The following LRRTM4 variants were observed in gnomAD, a reference collection of about 807,000 sequenced individuals.
LRRTM4 encodes the protein leucine-rich repeat transmembrane neuronal protein 4.
LRRTM4 carries 25 observed loss-of-function variants against 47.6 expected under a neutral mutation model. The observed-to-expected ratio is 0.53, with a 90% CI of 0.38 to 0.73. The LOEUF (loss-of-function observed/expected upper bound fraction) is 0.73, where lower values mean the gene tolerates loss of function less well. LRRTM4 is among the 30% of genes least tolerant of loss of function. The pLI, the probability that LRRTM4 is intolerant of heterozygous loss-of-function variation, is 0.00. For missense variants in LRRTM4, 638 were observed against 713.4 expected, an observed-to-expected ratio of 0.89 and a Z score of 1.20; for synonymous variants, 311 against 269.5, an observed-to-expected ratio of 1.15 and a Z score of -1.51.
At chr2:77,499,469 C>A (rs1443365574) in intron 3 of LRRTM4, among the ~76,000 whole-genome samples, 3 of 151,738 alleles carry the variant, frequency 2.0e-5, no homozygotes, top group African/African-American at 7.3e-5. Context: ...CTCTGAGATG[C>A]AAAGATATTA....
intron 3 of LRRTM4, among the ~76,000 whole-genome samples, chr2:76,846,315 G>T (rs891143428): frequency 6.6e-6 from 1 of 152,238 alleles, no homozygotes; most frequent in South Asian, 2.1e-4. Flanking sequence ...AGGTGCCCCA[G>T]GTGTCCTCAC....
At chr2:77,256,857 G>T (rs527843058) in intron 3 of LRRTM4, among the ~76,000 whole-genome samples, 1 of 152,078 alleles carries the variant, frequency 6.6e-6, no homozygotes, top group Non-Finnish European at 1.5e-5. Context: ...GAGGAAGGGA[G>T]GGAGGGAGGG....
intron 3 of LRRTM4, among the ~76,000 whole-genome samples, chr2:76,770,818 T>C (rs1444953103): frequency 6.6e-6 from 1 of 152,210 alleles, no homozygotes; most frequent in Non-Finnish European, 1.5e-5. Context: ...TTTTCATGCA[T>C]TTAAATTTCT....
chr2:77,080,447 G>C (rs1052864285), intron 3 of LRRTM4, among the ~76,000 whole-genome samples: 6 of 152,042 alleles, frequency 3.9e-5, no homozygotes, highest in African/African-American at 1.4e-4. Flanking sequence ...TGTTATTCTG[G>C]AATGCAGAAG....
At chr2:77,038,832 C>T (rs991244672) in intron 3 of LRRTM4, among the ~76,000 whole-genome samples, 5 of 151,386 alleles carry the variant, frequency 3.3e-5, no homozygotes, top group Non-Finnish European at 7.4e-5. Flanking sequence ...ATCTAACCAT[C>T]TAATGTTGCA....
chr2:76,769,749 G>A (rs1457665995), intron 3 of LRRTM4, among the ~76,000 whole-genome samples: 2 of 152,052 alleles, frequency 1.3e-5, no homozygotes, highest in African/African-American at 4.8e-5. Context: ...AGTTTGTGAA[G>A]CACTGCTTTA....
intron 3 of LRRTM4, among the ~76,000 whole-genome samples, chr2:77,455,863 T>G (rs1346473205): frequency 6.6e-6 from 1 of 152,120 alleles, no homozygotes; most frequent in Non-Finnish European, 1.5e-5. Flanking sequence ...TCTCCCGATA[T>G]CACTCTCCAC....
At chr2:77,242,987 G>A (rs772511020) in intron 3 of LRRTM4, among the ~76,000 whole-genome samples, 5 of 152,148 alleles carry the variant, frequency 3.3e-5, no homozygotes, top group Non-Finnish European at 5.9e-5. Flanking sequence ...TCTATTGATA[G>A]ATGAATGGAT....
At chr2:77,141,575 C>G (rs566491558) in intron 3 of LRRTM4, among the ~76,000 whole-genome samples, 144 of 152,224 alleles carry the variant, frequency 9.5e-4, no homozygotes, top group South Asian at 4.1e-4. Flanking sequence ...ACATATGTAA[C>G]AAACCTGCAC....
intron 3 of LRRTM4, among the ~76,000 whole-genome samples, chr2:76,789,383 C>G (rs1674848852): frequency 6.6e-6 from 1 of 152,212 alleles, no homozygotes; most frequent in African/African-American, 2.4e-5. Context: ...CCCACCTCTG[C>G]TCTAGTGACC....
intron 3 of LRRTM4, among the ~76,000 whole-genome samples, chr2:76,779,341 G>A (rs557315429): frequency 4.0e-5 from 6 of 150,970 alleles, no homozygotes; most frequent in Non-Finnish European, 7.4e-5. Context: ...TCATTGATCT[G>A]TCTAATGTTG....
intron 3 of LRRTM4, among the ~76,000 whole-genome samples, chr2:76,902,186 C>T (rs1047286131): frequency 1.3e-5 from 2 of 152,146 alleles, no homozygotes; most frequent in Non-Finnish European, 2.9e-5. Context: ...AGTCCATCTC[C>T]AAGTCTTTGT....
chr2:77,518,921 A>G lies in LRRTM4; in HGVS notation c.948T>C (p.Ser316=), dbSNP rs1282999382. ...AATAAAATAAAGGACAAATGCTCCG[A>G]CTGCATTCCCACATATTTCCAGACA... ...ITLSGNMWEC[S]RSICPLFYWL... The change falls in exon 3 of 4, where the codon AGT becomes AGC. Residue 316 remains serine (S), a synonymous_variant. Transcript: ENST00000409884. 1.9e-6 allele frequency: 3 copies of G among 1,609,436 alleles called. No individual in the cohort carries two copies. Among genetic ancestry groups the G allele is most frequent in the Non-Finnish European group, 2.5e-6 (3 of 1,177,622 alleles).
chr2:77,175,022 A>C (rs1673153505), intron 3 of LRRTM4, among the ~76,000 whole-genome samples: 1 of 151,836 alleles, frequency 6.6e-6, no homozygotes, highest in Non-Finnish European at 1.5e-5. Context: ...GCCAAGCACA[A>C]AGTTAGTTTC....
intron 3 of LRRTM4, among the ~76,000 whole-genome samples, chr2:76,962,222 T>C (rs942295973): frequency 4.6e-5 from 7 of 151,144 alleles, no homozygotes; most frequent in South Asian, 2.1e-4. Flanking sequence ...GAAAGATAAA[T>C]AAAAATTTCT....
At chr2:76,787,418 T>C (rs1238902552) in intron 3 of LRRTM4, among the ~76,000 whole-genome samples, 1 of 152,136 alleles carries the variant, frequency 6.6e-6, no homozygotes, top group African/African-American at 2.4e-5. Flanking sequence ...TCTGATACTT[T>C]ATACATTTCC....
chr2:77,029,054 TATATATATATATATATA>T (rs1195874070), intron 3 of LRRTM4, among the ~76,000 whole-genome samples: 19 of 99,358 alleles, frequency 1.9e-4, no homozygotes, highest in African/African-American at 5.0e-4. Flanking sequence ...CACACACAAA[TATATATATATATATATA>T]ATATATATAT....
intron 3 of LRRTM4, among the ~76,000 whole-genome samples, chr2:76,786,790 C>A (rs1032591062): frequency 5.3e-5 from 8 of 151,894 alleles, no homozygotes; most frequent in Non-Finnish European, 1.5e-5. Context: ...GGTTGACAAA[C>A]CAAAAATAGT....
At chr2:77,340,508 A>G (rs998922080) in intron 3 of LRRTM4, among the ~76,000 whole-genome samples, 2 of 152,016 alleles carry the variant, frequency 1.3e-5, no homozygotes, top group Admixed American at 6.6e-5. Flanking sequence ...ATATAAACTT[A>G]AATGCTGAAA....
Sources: allele counts gnomAD v4.1 joint callset (sites outside exome capture counted in the v4.1 genomes callset), GRCh38; gene constraint gnomAD v4.1.1; transcripts MANE v1.5; gene names NCBI Gene and HGNC (gene_info 2026-07-23, HGNC 2026-07-21).